The following GLG1 variants were observed in gnomAD, a reference collection of about 807,000 sequenced individuals.
The protein encoded by GLG1 is golgi glycoprotein 1, also known as Golgi apparatus protein 1.
A neutral mutation model predicts 160.5 loss-of-function variants in GLG1; 38 were observed. The ratio of observed to expected loss-of-function variants is 0.24; its 90% CI spans 0.18 to 0.31. The LOEUF (loss-of-function observed/expected upper bound fraction) is 0.31, where lower values mean the gene tolerates loss of function less well. Ranked by LOEUF, GLG1 falls within the 10% of genes least tolerant of loss-of-function variation. The pLI, the probability that GLG1 is intolerant of heterozygous loss-of-function variation, is 1.00. For synonymous variants in GLG1, 644 were observed against 543.4 expected, an observed-to-expected ratio of 1.19 and a Z score of -2.57; for missense variants, 1,373 against 1,505.2, an observed-to-expected ratio of 0.91 and a Z score of 1.45.
rs564361550 is a variant in GLG1, at chr16:74,595,959, AT to A, written c.438+10697del. Among the ~76,000 whole-genome samples the A allele has an allele frequency of 1.7e-4, 26 of 151,998 alleles. No individual in the cohort carries two copies. The South Asian group carries it at 5.2e-3, about 30-fold the overall frequency. On this transcript the variant is annotated intron_variant, in intron 1 of 25. Transcript: ENST00000422840. The stretch of plus-strand genomic sequence containing the variant: ...GCCAACATGGCGAAACCCCATCTCT[AT>A]TAAAAATATAAAATTTGCCAGCCAT...
intron 1 of GLG1, among the ~76,000 whole-genome samples, chr16:74,542,390 G>A (rs1239597187): frequency 1.3e-5 from 2 of 152,052 alleles, no homozygotes; most frequent in Non-Finnish European, 2.9e-5. Context: ...AGACTAGGCC[G>A]GGCGCGGTGG....
At chr16:74,527,312 C>T (rs2017370951) in intron 2 of GLG1, among the ~76,000 whole-genome samples, 1 of 138,112 alleles carries the variant, frequency 7.2e-6, no homozygotes, top group Admixed American at 8.3e-5. Context: ...TGCAATGGCG[C>T]TATCTCGGCT....
intron 2 of GLG1, among the ~76,000 whole-genome samples, chr16:74,509,871 A>C (rs957485309): frequency 1.3e-5 from 2 of 151,218 alleles, no homozygotes; most frequent in Non-Finnish European, 2.9e-5. Flanking sequence ...AAAAATTTGT[A>C]GAGATGGGAT....
At chr16:74,481,154 T>C (rs895647269) in intron 10 of GLG1, among the ~76,000 whole-genome samples, 9 of 152,234 alleles carry the variant, frequency 5.9e-5, no homozygotes, top group African/African-American at 2.2e-4. Flanking sequence ...TTAGATTCAG[T>C]AAGATCAGGA....
chr16:74,592,178 T>C, intron 1 of GLG1, among the ~76,000 whole-genome samples: 1 of 152,176 alleles, frequency 6.6e-6, no homozygotes, highest in Non-Finnish European at 1.5e-5. Context: ...AGTCTTGCTC[T>C]GTCATCCAGG....
intron 1 of GLG1, among the ~76,000 whole-genome samples, chr16:74,554,146 T>C (rs7185039): frequency 0.3 from 45,262 of 151,066 alleles, 6,686 homozygotes; most frequent in East Asian, 0.37. Context: ...ACAAAATCAG[T>C]CAGGAAAAAA....
At chr16:74,593,100 G>C (rs190420541) in intron 1 of GLG1, among the ~76,000 whole-genome samples, 39 of 152,262 alleles carry the variant, frequency 2.6e-4, no homozygotes, top group Admixed American at 5.9e-4. Flanking sequence ...GCCCTCACCA[G>C]ATATGGCCTC....
chr16:74,596,319 A>G (rs1239238839), intron 1 of GLG1, among the ~76,000 whole-genome samples: 1 of 152,176 alleles, frequency 6.6e-6, no homozygotes, highest in East Asian at 1.9e-4. Flanking sequence ...ACCTGAGGTC[A>G]GCAGTTCGAG....
chr16:74,523,724 T>C (rs1287409143), intron 2 of GLG1, among the ~76,000 whole-genome samples: 1 of 151,960 alleles, frequency 6.6e-6, no homozygotes, highest in African/African-American at 2.4e-5. Flanking sequence ...TAATATATTT[T>C]TAAAATTGGC....
At chr16:74,473,368 C>G (rs1417924557) in intron 13 of GLG1, among the ~76,000 whole-genome samples, 1 of 151,940 alleles carries the variant, frequency 6.6e-6, no homozygotes, top group Non-Finnish European at 1.5e-5. Context: ...CATGTTTTAC[C>G]ACGCCCAGCT....
intron 1 of GLG1, among the ~76,000 whole-genome samples, chr16:74,537,072 T>C (rs1480397004): frequency 6.6e-6 from 1 of 152,204 alleles, no homozygotes; most frequent in Non-Finnish European, 1.5e-5. Flanking sequence ...ATGAAAAGTA[T>C]AATAAATAGC....
At chr16:74,462,333 G>T in intron 21 of GLG1, 138 bp from the exon 22 acceptor site, 1 of 813,540 alleles carries the variant, frequency 1.2e-6, no homozygotes, top group Non-Finnish European at 2.0e-6. Context: ...AAAACAAAAT[G>T]CCTGCTTTTG....
chr16:74,461,965 G>A (rs2014815124), intron 22 of GLG1, 129 bp downstream of exon 22: 1 of 601,478 alleles, frequency 1.7e-6, no homozygotes, highest in Non-Finnish European at 3.0e-6. Flanking sequence ...AGACCATGGA[G>A]AGCCTAGAAG....
At chr16:74,523,183 G>A (rs2017224517) in intron 2 of GLG1, among the ~76,000 whole-genome samples, 1 of 152,170 alleles carries the variant, frequency 6.6e-6, no homozygotes, top group South Asian at 2.1e-4. Flanking sequence ...CAATCTCCAA[G>A]TCATGAAGAT....
At chr16:74,453,382 G>C in intron 25 of GLG1, 48 bp from the exon 26 acceptor site, 1 of 1,286,184 alleles carries the variant, frequency 7.8e-7, no homozygotes, top group African/African-American at 1.5e-5. Flanking sequence ...CACTGGGCTG[G>C]TGGCAGTGCT....
chr16:74,570,413 G>T (rs1405459824), intron 1 of GLG1, among the ~76,000 whole-genome samples: 1 of 151,984 alleles, frequency 6.6e-6, no homozygotes, highest in Non-Finnish European at 1.5e-5. Flanking sequence ...GAAGCTATAG[G>T]AATAAACTGC....
intron 1 of GLG1, among the ~76,000 whole-genome samples, chr16:74,554,150 GA>G (rs1183318047): frequency 1.2e-4 from 18 of 150,658 alleles, no homozygotes; most frequent in East Asian, 1.2e-3. Context: ...AATCAGTCAG[GA>G]AAAAAAAATA....
At chr16:74,588,990 C>T (rs1254807494) in intron 1 of GLG1, among the ~76,000 whole-genome samples, 1 of 151,218 alleles carries the variant, frequency 6.6e-6, no homozygotes, top group African/African-American at 2.4e-5. Context: ...GCTTGTAATG[C>T]CAGCACTTTG....
chr16:74,546,260 G>A (rs185643475), intron 1 of GLG1, among the ~76,000 whole-genome samples: 1 of 152,186 alleles, frequency 6.6e-6, no homozygotes, highest in Admixed American at 6.5e-5. Flanking sequence ...GCAACATGGC[G>A]AAACCCTGTC....
Sources: allele counts gnomAD v4.1 joint callset (sites outside exome capture counted in the v4.1 genomes callset), GRCh38; gene constraint gnomAD v4.1.1; transcripts MANE v1.5; gene names NCBI Gene and HGNC (gene_info 2026-07-23, HGNC 2026-07-21).